Variants in ACADM observed in about 807,000 individuals in gnomAD.
The protein encoded by ACADM is acyl-CoA dehydrogenase medium chain.
Under a neutral mutation model 58.9 loss-of-function variants are expected in ACADM, and 49 were observed. The observed-to-expected ratio is 0.83, with a 90% CI of 0.66 to 1.06. The LOEUF is 1.06. Among genes scored for constraint, ACADM ranks in the 50% least tolerant of loss-of-function variants. The probability of loss-of-function intolerance (pLI) is 0.00; values close to 1 mark genes in which losing one functional copy is unlikely to be tolerated. For missense variants in ACADM, 496 were observed against 507.0 expected, an observed-to-expected ratio of 0.98 and a Z score of 0.21; for synonymous variants, 160 against 157.7, an observed-to-expected ratio of 1.01 and a Z score of -0.11.
intron 10 of ACADM, among the ~76,000 whole-genome samples, chr1:75,756,718 G>C (rs1034140237): frequency 1.3e-5 from 2 of 152,218 alleles, no homozygotes; most frequent in Admixed American, 6.5e-5. Context: ...CTACTTTAAA[G>C]TTCATATGGA....
chr1:75,727,671 G>T (rs1647077486), intron 1 of ACADM, among the ~76,000 whole-genome samples: 2 of 152,088 alleles, frequency 1.3e-5, no homozygotes, highest in African/African-American at 4.8e-5. Flanking sequence ...TAGTGTATTA[G>T]TAGTTTAGAA....
At chr1:75,742,396 C>CT (rs1647626283) in intron 7 of ACADM, among the ~76,000 whole-genome samples, 1 of 152,202 alleles carries the variant, frequency 6.6e-6, no homozygotes, top group African/African-American at 2.4e-5. Context: ...CCCCAGTCCA[C>CT]GTCCTCCAAA....
chr1:75,739,254 C>T (rs1464829222), intron 6 of ACADM, among the ~76,000 whole-genome samples: 1 of 152,178 alleles, frequency 6.6e-6, no homozygotes, highest in African/African-American at 2.4e-5. Context: ...GTCTGACTTT[C>T]ACACATAGAG....
intron 4 of ACADM, chr1:75,733,193 C>A: frequency 1.2e-6 from 2 of 1,608,352 alleles, no homozygotes; most frequent in South Asian, 1.1e-5. Flanking sequence ...GTGTTTTATT[C>A]CTATCTTCTA....
intron 5 of ACADM, 50 bp from the exon 6 acceptor site, chr1:75,734,741 C>A: frequency 7.3e-7 from 1 of 1,375,892 alleles, no homozygotes; most frequent in South Asian, 1.2e-5. Flanking sequence ...TCTGAATTTA[C>A]ATATCCAATA....
Position 75,732,915 on chromosome 1 carries a change from G to C in ACADM, c.279G>C (p.Glu93Asp). ...ELGLMNTHIPENCGGLGLGTF... is the reference protein window; with the variant it reads ...ELGLMNTHIPDNCGGLGLGTF... ...GTTTAATGAACACACACATTCCAGA[G>C]AACTGTGGTAAGCTTTCTTTATATT... Residue 93 changes from glutamate (E) to aspartate (D), a missense_variant, in exon 4 of 12, where the codon GAG becomes GAC. Physicochemically the swap from Glu to Asp is conservative, Grantham distance 45. Coordinates refer to ENST00000370841, the MANE Select transcript of ACADM (RefSeq NM_000016.6). The C allele has an allele frequency of 1.9e-6, 3 of 1,613,884 alleles. No individual in the cohort carries two copies. The highest frequency in any genetic ancestry group is 2.5e-6 in the Non-Finnish European group (3 of 1,179,846).
At chr1:75,731,420 T>C (rs1371274005) in intron 2 of ACADM, among the ~76,000 whole-genome samples, 1 of 152,066 alleles carries the variant, frequency 6.6e-6, no homozygotes, top group Non-Finnish European at 1.5e-5. Flanking sequence ...GTGCATTTGC[T>C]CTCATTTTTC....
intron 7 of ACADM, chr1:75,744,270 T>C: frequency 6.2e-7 from 1 of 1,613,134 alleles, no homozygotes. Flanking sequence ...CTGCCGCTGC[T>C]ATAGGTTCTG....
rs756702790 is a variant in ACADM at position 75,749,428 on chromosome 1, A to G, written c.718A>G (p.Met240Val). Residue 240 changes from methionine (M) to valine (V), a missense_variant, in exon 9 of 12, where the codon ATG becomes GTG. Physicochemically the swap from Met to Val is conservative, Grantham distance 21 (BLOSUM62 1). Coordinates refer to ENST00000370841, the MANE Select transcript of ACADM (RefSeq NM_000016.6). ...TCAATTTTCTTATTAGGAATTAAACATGGGCCAGCGATGTTCAGATACTAG... is the reference window on the plus strand; with the variant it reads ...TCAATTTTCTTATTAGGAATTAAACGTGGGCCAGCGATGTTCAGATACTAG... ...GIQIGRKELN[M>V]GQRCSDTRGI... The G allele has an allele frequency of 1.9e-6, 3 of 1,613,882 alleles. No individual in the cohort carries two copies. The highest frequency in any genetic ancestry group is 2.5e-6 in the Non-Finnish European group (3 of 1,179,884).
chr1:75,746,400 T>G (rs988069532), intron 8 of ACADM, among the ~76,000 whole-genome samples: 1 of 151,976 alleles, frequency 6.6e-6, no homozygotes, highest in African/African-American at 2.4e-5. Context: ...CAAATAGCCT[T>G]GAATATGGAA....
intron 10 of ACADM, among the ~76,000 whole-genome samples, chr1:75,751,609 C>T (rs1648209525): frequency 6.6e-6 from 1 of 151,806 alleles, no homozygotes; most frequent in Admixed American, 6.6e-5. Context: ...AGTGATTCTC[C>T]TGCCTCAGCC....
rs1557467113 is a variant in ACADM, at chr1:75,761,376, G to A, written c.1194+6G>A. On this transcript the variant is annotated splice_donor_region_variant and intron_variant, in intron 11 of 11. Coordinates refer to ENST00000370841, the MANE Select transcript of ACADM (RefSeq NM_000016.6). ...GGGATGCCAAAATCTATCAGGTAAG[G>A]TTAAAGATGATTTTTTTGGTTTGCA... The A allele has an allele frequency of 1.2e-6, 2 of 1,613,634 alleles. No individual in the cohort carries two copies. Among genetic ancestry groups the A allele is most frequent in the Non-Finnish European group, 1.7e-6 (2 of 1,179,796 alleles).
intron 11 of ACADM, 37 bp downstream of exon 11, chr1:75,761,407 A>G (rs750645947): frequency 1.2e-6 from 2 of 1,606,788 alleles, no homozygotes; most frequent in Non-Finnish European, 1.7e-6. Context: ...TTGCAAGGAG[A>G]GAGAATATTC....
chr1:75,746,565 A>G (rs1057184162), intron 8 of ACADM, among the ~76,000 whole-genome samples: 12 of 151,904 alleles, frequency 7.9e-5, no homozygotes, highest in African/African-American at 2.9e-4. Context: ...TATAAATTTT[A>G]TAAAGAAGGA....
intron 1 of ACADM, 84 bp from the exon 2 acceptor site, chr1:75,728,317 G>T: frequency 9.2e-7 from 1 of 1,091,724 alleles, no homozygotes; most frequent in Non-Finnish European, 1.3e-6. Context: ...ACCAGTTGCT[G>T]TACTCACTTA....
In ACADM at chr1:75,760,936, G is replaced by A. The variant is rs895968414; in HGVS notation, c.946-186G>A. On this transcript the variant is annotated intron_variant, in intron 10 of 11. Coordinates refer to ENST00000370841, the MANE Select transcript of ACADM (RefSeq NM_000016.6). ...TTAAAAAATAAAAAGGTCAGGCACAGTGGCTCACGCCTGTAATCTCAGCAC... is the reference window on the plus strand; with the variant it reads ...TTAAAAAATAAAAAGGTCAGGCACAATGGCTCACGCCTGTAATCTCAGCAC... Among the ~76,000 whole-genome samples, 5 of 152,242 alleles carry A rather than the reference G, an allele frequency of 3.3e-5. No individual in the cohort carries two copies. The East Asian group carries it at 9.6e-4, about 29-fold the overall frequency.
chr1:75,731,850 C>A (rs1301568724), intron 2 of ACADM, among the ~76,000 whole-genome samples: 1 of 151,920 alleles, frequency 6.6e-6, no homozygotes, highest in African/African-American at 2.4e-5. Context: ...ATAGTGAGAC[C>A]CTGTCTCTGT....
chr1:75,727,598 ATTGT>A (rs3835394), intron 1 of ACADM, among the ~76,000 whole-genome samples: 44,615 of 151,870 alleles, frequency 0.29, 7,225 homozygotes, highest in East Asian at 0.69. Context: ...TGTATATTTG[ATTGT>A]TTGTTTCTTT....
intron 10 of ACADM, among the ~76,000 whole-genome samples, chr1:75,754,511 T>A (rs546321658): frequency 6.6e-6 from 1 of 152,300 alleles, no homozygotes; most frequent in African/African-American, 2.4e-5. Flanking sequence ...TCCAGCCACT[T>A]GTCTTTCAGT....
Sources: allele counts gnomAD v4.1 joint callset (sites outside exome capture counted in the v4.1 genomes callset), GRCh38; gene constraint gnomAD v4.1.1; transcripts MANE v1.5; gene names NCBI Gene and HGNC (gene_info 2026-07-23, HGNC 2026-07-21).